Variants in ULK4 observed in about 807,000 individuals in gnomAD.
The protein encoded by ULK4 is inactive serine/threonine-protein kinase ULK4.
Under a neutral mutation model 160.6 loss-of-function variants are expected in ULK4, and 133 were observed. The observed-to-expected ratio is 0.83, with a 90% CI of 0.72 to 0.96. The LOEUF (loss-of-function observed/expected upper bound fraction) is 0.96, where lower values mean the gene tolerates loss of function less well. ULK4 is among the 40% of genes least tolerant of loss of function. The probability of loss-of-function intolerance (pLI) is 0.00; values close to 1 mark genes in which losing one functional copy is unlikely to be tolerated. For missense variants in ULK4, 1,580 were observed against 1,499.5 expected, an observed-to-expected ratio of 1.05 and a Z score of -0.89; for synonymous variants, 534 against 539.8, an observed-to-expected ratio of 0.99 and a Z score of 0.15.
chr3:41,409,612 T>C (rs1021267886), intron 34 of ULK4, among the ~76,000 whole-genome samples: 1 of 152,094 alleles, frequency 6.6e-6, no homozygotes. Flanking sequence ...AAATAGTCAA[T>C]AAGAACAGGA....
chr3:41,254,107 G>A (rs2078788399), intron 35 of ULK4, among the ~76,000 whole-genome samples: 1 of 152,066 alleles, frequency 6.6e-6, no homozygotes, highest in African/African-American at 2.4e-5. Context: ...AAATCAGCAC[G>A]GATACAGAAG....
intron 5 of ULK4, among the ~76,000 whole-genome samples, chr3:41,925,348 C>T (rs1025957416): frequency 7.9e-5 from 12 of 152,164 alleles, no homozygotes; most frequent in Non-Finnish European, 1.6e-4. Flanking sequence ...TGGACTGTGC[C>T]GTGAGGAACA....
At chr3:41,827,360 G>C (rs552665982) in intron 18 of ULK4, among the ~76,000 whole-genome samples, 1 of 151,898 alleles carries the variant, frequency 6.6e-6, no homozygotes, top group Non-Finnish European at 1.5e-5. Context: ...AAAACAATCA[G>C]TGAATCCAGG....
intron 32 of ULK4, among the ~76,000 whole-genome samples, chr3:41,514,651 A>T (rs912505731): frequency 7.9e-5 from 12 of 152,234 alleles, no homozygotes; most frequent in Non-Finnish European, 1.5e-4. Flanking sequence ...AGTGGAGGCC[A>T]TTATCCTGAG....
chr3:41,932,127 AAAAT>A lies in ULK4; in HGVS notation c.379-125_379-122del, dbSNP rs1462545751. The A allele has an allele frequency of 1.1e-5, 9 of 790,536 alleles. No individual in the cohort carries two copies. The East Asian group carries it at 2.3e-4, about 20-fold the overall frequency. The allele number at this position is 790,536 out of a possible 1,614,324, so 49.0% of individuals were successfully genotyped here. A position where few individuals can be genotyped will look rare whatever the true frequency, so the allele number is the denominator to read the frequency against. ...TTGCTATTCTTTATCAGAACTCAGA[AAAAT>A]AAATGCTTATAATTTTTTTAAAAGC... On this transcript the variant is annotated intron_variant, in intron 4 of 36. Transcript: ENST00000301831.
chr3:41,756,732 A>G (rs1303253670), intron 21 of ULK4, among the ~76,000 whole-genome samples: 4 of 152,066 alleles, frequency 2.6e-5, no homozygotes, highest in Non-Finnish European at 5.9e-5. Flanking sequence ...ATGAAAACGA[A>G]GAAAGTTCCA....
At chr3:41,516,072 T>C (rs930758485) in intron 32 of ULK4, among the ~76,000 whole-genome samples, 3 of 124,548 alleles carry the variant, frequency 2.4e-5, no homozygotes, top group African/African-American at 5.0e-5. Context: ...TAAACCTCAA[T>C]AAAAAGTAAA....
intron 31 of ULK4, among the ~76,000 whole-genome samples, chr3:41,615,130 G>C: frequency 6.6e-6 from 1 of 152,096 alleles, no homozygotes; most frequent in Admixed American, 6.5e-5. Context: ...TCTACACACA[G>C]GAAACACAGA....
At chr3:41,872,241 T>TC (rs1697124832) in intron 17 of ULK4, among the ~76,000 whole-genome samples, 2 of 152,120 alleles carry the variant, frequency 1.3e-5, no homozygotes, top group Admixed American at 1.3e-4. Context: ...AACTCTTATC[T>TC]CCCTAGCACT....
At chr3:41,416,264 C>T (rs1265683719) in intron 34 of ULK4, among the ~76,000 whole-genome samples, 1 of 152,114 alleles carries the variant, frequency 6.6e-6, no homozygotes, top group African/African-American at 2.4e-5. Context: ...GATTTAATAT[C>T]AGTTTCCAAC....
intron 32 of ULK4, among the ~76,000 whole-genome samples, chr3:41,515,608 C>T (rs762104459): frequency 2.2e-4 from 34 of 152,158 alleles, no homozygotes; most frequent in Admixed American, 1.6e-3. Flanking sequence ...GAAACAAACA[C>T]GTCCTTCTTC....
At chr3:41,722,117 A>C (rs1231689238) in intron 22 of ULK4, among the ~76,000 whole-genome samples, 4 of 152,188 alleles carry the variant, frequency 2.6e-5, no homozygotes, top group Admixed American at 1.3e-4. Flanking sequence ...TGCTGTGAGG[A>C]TGTAAATGAA....
At position 41,698,061 on chromosome 3, in the gene ULK4, C is replaced by T. The variant is rs2036558204; in HGVS notation, c.2781+6996G>A. ...ATATTCAGTGCAGTAACATGCTGTA[C>T]AGGTTTGTAGCCTAGAAGCAATAGG... On this transcript the variant is annotated intron_variant, in intron 27 of 36. Coordinates refer to ENST00000301831, the MANE Select transcript of ULK4 (RefSeq NM_017886.4). Among the ~76,000 whole-genome samples, 8 of 152,162 alleles carry T rather than the reference C, an allele frequency of 5.3e-5. No homozygotes were observed. In the South Asian group the frequency reaches 1.7e-3, roughly 32 times the overall value.
chr3:41,727,471 C>T (rs991982995), intron 22 of ULK4, among the ~76,000 whole-genome samples: 1 of 152,162 alleles, frequency 6.6e-6, no homozygotes, highest in Non-Finnish European at 1.5e-5. Context: ...CCAGAGAAAA[C>T]CTCTCGACAG....
chr3:41,703,497 G>C (rs2125825310), intron 27 of ULK4, among the ~76,000 whole-genome samples: 1 of 151,840 alleles, frequency 6.6e-6, no homozygotes. Flanking sequence ...AAAACTTGTG[G>C]GATGATGCTA....
At chr3:41,417,120 G>A (rs1044277040) in intron 34 of ULK4, among the ~76,000 whole-genome samples, 1 of 152,178 alleles carries the variant, frequency 6.6e-6, no homozygotes, top group Non-Finnish European at 1.5e-5. Context: ...CTACGCACGT[G>A]AGAGACAGTG....
intron 32 of ULK4, among the ~76,000 whole-genome samples, chr3:41,531,383 G>A (rs1559372719): frequency 3.1e-5 from 4 of 127,872 alleles, no homozygotes; most frequent in Non-Finnish European, 4.8e-5. Flanking sequence ...AGAGCTTGCA[G>A]TGAGCCGAGA....
At chr3:41,458,211 T>G (rs1227264500) in intron 33 of ULK4, among the ~76,000 whole-genome samples, 1 of 152,152 alleles carries the variant, frequency 6.6e-6, no homozygotes, top group Admixed American at 6.5e-5. Flanking sequence ...GGTAGAAACA[T>G]ACATTTAGTA....
chr3:41,703,604 G>T (rs1275245166), intron 27 of ULK4, among the ~76,000 whole-genome samples: 1 of 151,264 alleles, frequency 6.6e-6, no homozygotes, highest in Non-Finnish European at 1.5e-5. Context: ...GTTAGAAAAG[G>T]AATACAAAAT....
Sources: allele counts gnomAD v4.1 joint callset (sites outside exome capture counted in the v4.1 genomes callset), GRCh38; gene constraint gnomAD v4.1.1; transcripts MANE v1.5; gene names NCBI Gene and HGNC (gene_info 2026-07-23, HGNC 2026-07-21).